Variants in IMMP1L observed in about 807,000 individuals in gnomAD.
IMMP1L encodes the protein inner mitochondrial membrane peptidase subunit 1, also known as mitochondrial inner membrane protease subunit 1.
Under a neutral mutation model 21.8 loss-of-function variants are expected in IMMP1L, and 24 were observed. The observed-to-expected ratio is 1.10, with a 90% CI of 0.80 to 1.55. The LOEUF is 1.55. Among genes scored for constraint, IMMP1L ranks in the 40% most tolerant of loss-of-function variants. IMMP1L has a pLI of 0.00. For synonymous variants in IMMP1L, 46 were observed against 62.8 expected (o/e 0.73, Z 1.26); for missense variants, 195 against 200.7 (o/e 0.97, Z 0.17).
At chr11:31,441,246 T>C (rs1953317361) in intron 4 of IMMP1L, among the ~76,000 whole-genome samples, 1 of 151,770 alleles carries the variant, frequency 6.6e-6, no homozygotes, top group Admixed American at 6.6e-5. Context: ...TTCATACTTT[T>C]AAAAAAGGGA....
chr11:31,506,943 A>G (rs1955796290), intron 1 of IMMP1L, among the ~76,000 whole-genome samples: 2 of 149,436 alleles, frequency 1.3e-5, no homozygotes, highest in Non-Finnish European at 3.0e-5. Context: ...CTGGCAACAG[A>G]GCGAGACTCC....
intron 1 of IMMP1L, among the ~76,000 whole-genome samples, chr11:31,468,729 A>G (rs1004519133): frequency 5.3e-5 from 8 of 152,206 alleles, no homozygotes; most frequent in Non-Finnish European, 1.0e-4. Flanking sequence ...AAATAAATAC[A>G]TAAATACATT....
intron 1 of IMMP1L, among the ~76,000 whole-genome samples, chr11:31,503,114 C>T (rs140655074): frequency 6.6e-6 from 1 of 152,298 alleles, no homozygotes; most frequent in East Asian, 1.9e-4. Flanking sequence ...CTTACTCCTG[C>T]TTTCCTAGCA....
intron 4 of IMMP1L, among the ~76,000 whole-genome samples, chr11:31,455,957 G>A (rs1953923395): frequency 6.6e-6 from 1 of 152,080 alleles, no homozygotes; most frequent in Non-Finnish European, 1.5e-5. Flanking sequence ...AATATTTTGG[G>A]AGAGATAAGT....
intron 4 of IMMP1L, among the ~76,000 whole-genome samples, chr11:31,439,928 A>G (rs1009065486): frequency 1.3e-5 from 2 of 152,160 alleles, no homozygotes; most frequent in African/African-American, 4.8e-5. Context: ...TTTGGCTTAC[A>G]GCTCCCCAGC....
intron 1 of IMMP1L, among the ~76,000 whole-genome samples, chr11:31,469,184 A>G (rs1772173441): frequency 6.6e-6 from 1 of 152,228 alleles, no homozygotes; most frequent in South Asian, 2.1e-4. Context: ...AAAGATTATA[A>G]GCATGCTATA....
At chr11:31,470,587 A>T (rs1030938807) in intron 1 of IMMP1L, among the ~76,000 whole-genome samples, 1 of 152,212 alleles carries the variant, frequency 6.6e-6, no homozygotes, top group Non-Finnish European at 1.5e-5. Flanking sequence ...ACACTAAAAA[A>T]TAGAACTACC....
At chr11:31,496,156 G>A (rs865935029) in intron 1 of IMMP1L, among the ~76,000 whole-genome samples, 30 of 147,266 alleles carry the variant, frequency 2.0e-4, no homozygotes, top group Middle Eastern at 3.6e-3. Flanking sequence ...ATTCAAAACC[G>A]GCAAAGGTTT....
chr11:31,455,012 T>A (rs78083210), intron 4 of IMMP1L, among the ~76,000 whole-genome samples: 8 of 152,342 alleles, frequency 5.3e-5, no homozygotes, highest in Non-Finnish European at 1.0e-4. Flanking sequence ...ATATGTTACC[T>A]GACAGCACAC....
In IMMP1L at chr11:31,470,328, G is replaced by A. The variant is rs187385535; in HGVS notation, c.-29-7023C>T. Among the ~76,000 whole-genome samples, 1,270 of 152,012 alleles carry A rather than the reference G, an allele frequency of 8.4e-3. 7 individuals carry two copies. The highest frequency in any genetic ancestry group is 0.012 in the Non-Finnish European group (797 of 67,992). ...CTCAGGAGGCTGAGGCAGGAGAATCGCTTGAACCCGGGAGGCGGAGGTTGC... is the reference window on the plus strand; with the variant it reads ...CTCAGGAGGCTGAGGCAGGAGAATCACTTGAACCCGGGAGGCGGAGGTTGC... On this transcript the variant is annotated intron_variant, in intron 1 of 5. Transcript: ENST00000532287.
At chr11:31,496,344 G>C (rs946088279) in intron 1 of IMMP1L, among the ~76,000 whole-genome samples, 3 of 152,204 alleles carry the variant, frequency 2.0e-5, no homozygotes, top group African/African-American at 7.2e-5. Flanking sequence ...TAAGGATGTG[G>C]TGAAATTGTA....
chr11:31,441,987 G>A (rs1332925637), intron 4 of IMMP1L, among the ~76,000 whole-genome samples: 1 of 152,136 alleles, frequency 6.6e-6, no homozygotes, highest in Non-Finnish European at 1.5e-5. Context: ...CATTTTGAAT[G>A]AATGCATAAG....
intron 1 of IMMP1L, among the ~76,000 whole-genome samples, chr11:31,499,817 A>G (rs973289681): frequency 6.6e-6 from 1 of 152,084 alleles, no homozygotes; most frequent in African/African-American, 2.4e-5. Flanking sequence ...CTGGTCCCAG[A>G]AAATGTATGC....
chr11:31,444,395 G>A (rs1953444093), intron 4 of IMMP1L, among the ~76,000 whole-genome samples: 1 of 151,880 alleles, frequency 6.6e-6, no homozygotes, highest in South Asian at 2.1e-4. Flanking sequence ...TTATGTTTCT[G>A]GTTATTTTCT....
chr11:31,448,034 C>A (rs370476545), intron 4 of IMMP1L, among the ~76,000 whole-genome samples: 2 of 152,070 alleles, frequency 1.3e-5, no homozygotes, highest in East Asian at 3.9e-4. Flanking sequence ...AGCACCTGGG[C>A]GCGGTGGCTC....
At chr11:31,494,108 C>G (rs997362329) in intron 1 of IMMP1L, among the ~76,000 whole-genome samples, 1 of 152,236 alleles carries the variant, frequency 6.6e-6, no homozygotes, top group Admixed American at 6.5e-5. Context: ...AGTGGGGACT[C>G]TGTGTGGGGG....
At chr11:31,506,831 A>G (rs1487785156) in intron 1 of IMMP1L, among the ~76,000 whole-genome samples, 2 of 151,600 alleles carry the variant, frequency 1.3e-5, no homozygotes, top group African/African-American at 4.8e-5. Context: ...ATGGTGGTGC[A>G]TGCCTGTAGT....
chr11:31,458,713 T>C (rs1469182651), intron 3 of IMMP1L, among the ~76,000 whole-genome samples: 1 of 152,208 alleles, frequency 6.6e-6, no homozygotes, highest in Admixed American at 6.5e-5. Context: ...GCTGGCTATC[T>C]TGGCTCTAAA....
chr11:31,474,822 A>T (rs562691770), intron 1 of IMMP1L, among the ~76,000 whole-genome samples: 1 of 152,186 alleles, frequency 6.6e-6, no homozygotes, highest in Admixed American at 6.5e-5. Context: ...TGAAAACCTA[A>T]TATCAACCAA....
Sources: gnomAD v4.1 joint callset for allele counts (sites outside exome capture counted in the v4.1 genomes callset) on GRCh38, gnomAD v4.1.1 for gene constraint, MANE v1.5 for transcripts, NCBI Gene and HGNC (gene_info 2026-07-23, HGNC 2026-07-21) for gene names.